Variants in DCDC2C observed in about 807,000 individuals in gnomAD.
DCDC2C encodes doublecortin domain containing 2C, also known as doublecortin domain-containing protein 2C.
In DCDC2C, 44 loss-of-function variants were observed where a neutral mutation model predicts 45.0. The ratio of observed to expected loss-of-function variants is 0.98; its 90% CI spans 0.77 to 1.26. The LOEUF is 1.26. Ranked by LOEUF, DCDC2C falls within the 50% of genes most tolerant of loss-of-function variation. The pLI, the probability that DCDC2C is intolerant of heterozygous loss-of-function variation, is 0.00. For synonymous variants in DCDC2C, 187 were observed against 178.8 expected, an observed-to-expected ratio of 1.05 and a Z score of -0.37; for missense variants, 447 against 468.9, an observed-to-expected ratio of 0.95 and a Z score of 0.43.
intron 4 of DCDC2C, among the ~76,000 whole-genome samples, chr2:3,750,272 T>C (rs946145347): frequency 6.6e-6 from 1 of 152,170 alleles, no homozygotes; most frequent in African/African-American, 2.4e-5. Flanking sequence ...GAATTGAATT[T>C]TGGGTTATGA....
rs995742960 is a variant in DCDC2C at position 3,703,926 on chromosome 2, G to T, written c.175G>T (p.Gly59Cys). Residue 59 changes from glycine to cysteine, a missense_variant, in exon 1 of 11, where the codon GGC becomes TGC. Physicochemically the swap from Gly to Cys is radical, Grantham distance 159. Transcript: ENST00000399143. The surrounding 1 kb of genome is among the most constrained non-coding windows in gnomAD (Gnocchi z 4.4). Reference sequence around the variant, plus strand: ...CACGGAGCAGGTGGACGTCCCGTTCGGCGTGCGCCGCCTCTTCACGCCCAC... The same window carrying T: ...CACGGAGCAGGTGGACGTCCCGTTCTGCGTGCGCCGCCTCTTCACGCCCAC... ...QLTEQVDVPF[G>C]VRRLFTPTRG... 2.4e-5 allele frequency: 32 copies of T among 1,335,156 alleles called. No homozygotes were observed. The highest frequency in any genetic ancestry group is 3.0e-5 in the Non-Finnish European group (31 of 1,039,930). 82.7% of individuals were successfully genotyped at this position (1,335,156 alleles called of 1,614,324 possible).
At chr2:3,791,252 A>G (rs1670803185) in intron 10 of DCDC2C, among the ~76,000 whole-genome samples, 1 of 152,268 alleles carries the variant, frequency 6.6e-6, no homozygotes, top group African/African-American at 2.4e-5. Flanking sequence ...TTCATGAATA[A>G]AACACAAGGT....
At chr2:3,792,999 A>G (rs1670861235) in intron 10 of DCDC2C, among the ~76,000 whole-genome samples, 1 of 152,194 alleles carries the variant, frequency 6.6e-6, no homozygotes, top group Admixed American at 6.5e-5. Context: ...TTCAGAGTAC[A>G]TGGAGATTCC....
chr2:3,704,373 G>GGAGGGGTGTGGA (rs1189861344), intron 1 of DCDC2C, among the ~76,000 whole-genome samples: 27 of 112,970 alleles, frequency 2.4e-4, no homozygotes, highest in African/African-American at 8.9e-4. Flanking sequence ...AGGGCGTGGG[G>GGAGGGGTGTGGA]GAGGGGTGTG....
intron 10 of DCDC2C, among the ~76,000 whole-genome samples, chr2:3,796,990 G>T (rs1056891295): frequency 8.5e-5 from 13 of 152,118 alleles, no homozygotes; most frequent in African/African-American, 2.9e-4. Context: ...CTATGAATCC[G>T]TCTGGTCCTG....
intron 4 of DCDC2C, among the ~76,000 whole-genome samples, chr2:3,746,129 C>G (rs773004496): frequency 1.3e-5 from 2 of 152,100 alleles, no homozygotes; most frequent in African/African-American, 4.8e-5. Flanking sequence ...AGAGCAGTCT[C>G]GGTCCTCAGC....
chr2:3,737,844 A>AT (rs1669075210), intron 3 of DCDC2C, among the ~76,000 whole-genome samples: 1 of 152,162 alleles, frequency 6.6e-6, no homozygotes, highest in Admixed American at 6.5e-5. Context: ...AATCTGAAAT[A>AT]TTTTCTATTT....
chr2:3,808,412 A>G (rs960392750), intron 10 of DCDC2C, among the ~76,000 whole-genome samples: 2 of 147,512 alleles, frequency 1.4e-5, no homozygotes, highest in East Asian at 2.0e-4. Flanking sequence ...TTTTTTTTTG[A>G]GATTGGTTCT....
chr2:3,817,249 T>C (rs1378289649), intron 10 of DCDC2C, among the ~76,000 whole-genome samples: 1 of 152,208 alleles, frequency 6.6e-6, no homozygotes, highest in African/African-American at 2.4e-5. Flanking sequence ...CCAGCTTCCT[T>C]TGGAAGTAAA....
At chr2:3,765,933 A>G (rs143122266) in intron 6 of DCDC2C, among the ~76,000 whole-genome samples, 15 of 152,298 alleles carry the variant, frequency 9.8e-5, no homozygotes, top group African/African-American at 3.1e-4. Flanking sequence ...TCCCGATTTC[A>G]CAGAAATAAG....
chr2:3,760,521 C>T (rs1669849332), intron 6 of DCDC2C, among the ~76,000 whole-genome samples: 1 of 152,182 alleles, frequency 6.6e-6, no homozygotes, highest in African/African-American at 2.4e-5. Flanking sequence ...AGTTTATGTT[C>T]TTTGCAGGGA....
intron 10 of DCDC2C, among the ~76,000 whole-genome samples, chr2:3,799,969 C>T (rs1024961662): frequency 4.6e-5 from 7 of 151,392 alleles, no homozygotes; most frequent in Non-Finnish European, 1.0e-4. Flanking sequence ...CCCCCAGCCT[C>T]GCTGCTGCCT....
chr2:3,754,970 G>A (rs747110000), intron 6 of DCDC2C, among the ~76,000 whole-genome samples: 7 of 152,244 alleles, frequency 4.6e-5, no homozygotes, highest in Non-Finnish European at 8.8e-5. Flanking sequence ...TGGCATGAGT[G>A]GCAGTGGGCT....
intron 6 of DCDC2C, among the ~76,000 whole-genome samples, chr2:3,765,517 T>G (rs6704540): frequency 0.69 from 104,268 of 152,042 alleles, 36,334 homozygotes; most frequent in South Asian, 0.83. Flanking sequence ...GGGTCTTAGA[T>G]CATGAATACC....
At chr2:3,838,402 C>A (rs1401214999) in intron 10 of DCDC2C, among the ~76,000 whole-genome samples, 1 of 151,424 alleles carries the variant, frequency 6.6e-6, no homozygotes, top group Non-Finnish European at 1.5e-5. Flanking sequence ...TGAGAAACCA[C>A]AATTAGAAGT....
intron 10 of DCDC2C, among the ~76,000 whole-genome samples, chr2:3,805,575 T>C (rs1034063155): frequency 6.6e-6 from 1 of 152,248 alleles, no homozygotes; most frequent in Non-Finnish European, 1.5e-5. Flanking sequence ...CTTGTGCCTG[T>C]ATTTCCAGTC....
At chr2:3,778,403 G>A (rs1335666146) in intron 8 of DCDC2C, among the ~76,000 whole-genome samples, 3 of 152,184 alleles carry the variant, frequency 2.0e-5, no homozygotes, top group Non-Finnish European at 4.4e-5. Context: ...AGTGTGCCAT[G>A]AAAACTAGGA....
Position 3,754,616 on chromosome 2 carries a change from C to T in DCDC2C, c.708C>T (p.Asn236=), listed in dbSNP as rs573496012. The stretch of plus-strand genomic sequence containing the variant: ...GAAGGTATGCGAATGTTGAAAAAAA[C>T]TCACAGAGAAAGAAAAAAGTAAGTA... ...VQQRYANVEK[N]SQRKKKVDSK... is the part of the protein sequence containing the mutation. Residue 236 remains asparagine, a synonymous_variant, in exon 6 of 11, where the codon AAC becomes AAT. Coordinates refer to ENST00000399143, the MANE Select transcript of DCDC2C (RefSeq NM_001287444.2). The T allele has an allele frequency of 2.6e-5, 41 of 1,549,346 alleles. No individual in the cohort carries two copies. The highest frequency in any genetic ancestry group is 2.0e-5 in the Admixed American group (1 of 50,742).
chr2:3,831,355 C>T (rs1671947635), intron 10 of DCDC2C, among the ~76,000 whole-genome samples: 1 of 152,206 alleles, frequency 6.6e-6, no homozygotes, highest in African/African-American at 2.4e-5. Flanking sequence ...ACCTCGATGG[C>T]ACAGCCTACT....
Sources: gnomAD v4.1 joint callset for allele counts (sites outside exome capture counted in the v4.1 genomes callset) on GRCh38, gnomAD v4.1.1 for gene constraint, Gnocchi (gnomAD v3.1) non-coding constraint, MANE v1.5 for transcripts, NCBI Gene and HGNC (gene_info 2026-07-23, HGNC 2026-07-21) for gene names.